The following MAF variants were observed in gnomAD, a reference collection of about 807,000 sequenced individuals.
MAF encodes transcription factor Maf.
In MAF, 10 loss-of-function variants were observed where a neutral mutation model predicts 22.0. The observed-to-expected ratio is 0.45, with a 90% CI of 0.28 to 0.77. The LOEUF (loss-of-function observed/expected upper bound fraction) is 0.77. MAF is among the 30% of genes least tolerant of loss of function. The pLI, the probability that MAF is intolerant of heterozygous loss-of-function variation, is 0.12. For synonymous variants in MAF, 337 were observed against 255.8 expected (o/e 1.32, Z -3.03); for missense variants, 544 against 548.4 (o/e 0.99, Z 0.08).
chr16:79,219,678 T>C, the MAF span, among the ~76,000 whole-genome samples: 3 of 151,882 alleles, frequency 2.0e-5, no homozygotes, highest in South Asian at 2.1e-4. Flanking sequence ...TGTGCCACCA[T>C]TGTACGTCTC....
the MAF span, among the ~76,000 whole-genome samples, chr16:79,525,596 T>C: frequency 6.6e-6 from 1 of 152,216 alleles, no homozygotes; most frequent in Non-Finnish European, 1.5e-5. Context: ...GAAAAATTAA[T>C]CCTTTAATGT....
chr16:79,457,553 A>G, the MAF span, among the ~76,000 whole-genome samples: 1 of 152,230 alleles, frequency 6.6e-6, no homozygotes, highest in African/African-American at 2.4e-5. Context: ...TGCTGACAAT[A>G]GTGGAGCTAT....
chr16:79,514,955 G>A, the MAF span, among the ~76,000 whole-genome samples: 1 of 152,152 alleles, frequency 6.6e-6, no homozygotes, highest in East Asian at 1.9e-4. Context: ...CTGACTTGAT[G>A]TCTCCTTCAT....
the MAF span, among the ~76,000 whole-genome samples, chr16:79,367,434 G>C: frequency 6.6e-6 from 1 of 152,186 alleles, no homozygotes; most frequent in Admixed American, 6.5e-5. Flanking sequence ...AGGGCTACTT[G>C]TCTGCAGTCA....
the MAF span, among the ~76,000 whole-genome samples, chr16:79,302,642 T>C: frequency 2.0e-5 from 3 of 152,364 alleles, no homozygotes; most frequent in African/African-American, 2.4e-5. Flanking sequence ...ATGTGGCTTC[T>C]ATGTTTTCAG....
the MAF span, among the ~76,000 whole-genome samples, chr16:79,472,468 A>G: frequency 6.6e-6 from 1 of 152,214 alleles, no homozygotes; most frequent in African/African-American, 2.4e-5. Context: ...AATGCATGCC[A>G]CATCAGGGGG....
chr16:79,499,355 C>T, the MAF span, among the ~76,000 whole-genome samples: 2 of 152,132 alleles, frequency 1.3e-5, no homozygotes, highest in African/African-American at 4.8e-5. Flanking sequence ...CAGGAGTGAA[C>T]AGAGATGTAT....
At chr16:79,268,126 C>T in the MAF span, among the ~76,000 whole-genome samples, 3 of 152,106 alleles carry the variant, frequency 2.0e-5, no homozygotes, top group African/African-American at 7.2e-5. Context: ...ACATGGCCCC[C>T]AGAGTGGCCT....
chr16:79,208,929 G>A, the MAF span, among the ~76,000 whole-genome samples: 9 of 152,204 alleles, frequency 5.9e-5, no homozygotes, highest in African/African-American at 1.9e-4. Flanking sequence ...GGAAAGTAGA[G>A]TGAGTACCCA....
the MAF span, among the ~76,000 whole-genome samples, chr16:79,229,819 A>T: frequency 2.6e-5 from 4 of 152,034 alleles, no homozygotes; most frequent in African/African-American, 9.7e-5. Context: ...CCTAGTGGTG[A>T]GAGGGTCCTA....
At chr16:79,470,277 G>A in the MAF span, among the ~76,000 whole-genome samples, 39 of 152,282 alleles carry the variant, frequency 2.6e-4, no homozygotes, top group East Asian at 4.6e-3. Flanking sequence ...TGCCCTGCTC[G>A]GATCCTTGCC....
At chr16:79,564,628 C>T in the MAF span, among the ~76,000 whole-genome samples, 1 of 152,212 alleles carries the variant, frequency 6.6e-6, no homozygotes, top group African/African-American at 2.4e-5. Context: ...CACCCTGTGG[C>T]AGCCCACAGT....
chr16:79,499,113 A>G, the MAF span, among the ~76,000 whole-genome samples: 1 of 152,352 alleles, frequency 6.6e-6, no homozygotes, highest in East Asian at 1.9e-4. Flanking sequence ...CTCGAAGCCA[A>G]CTTGCAATCT....
chr16:79,491,133 T>C, the MAF span, among the ~76,000 whole-genome samples: 1 of 152,094 alleles, frequency 6.6e-6, no homozygotes, highest in African/African-American at 2.4e-5. Context: ...GATGGGGTTA[T>C]TGAGACCCAG....
At chr16:79,576,412 G>A in the MAF span, among the ~76,000 whole-genome samples, 17 of 152,236 alleles carry the variant, frequency 1.1e-4, no homozygotes, top group East Asian at 3.3e-3. Flanking sequence ...GGGTCGTCAT[G>A]CATGTTAGTA....
At chr16:79,388,460 T>G in the MAF span, among the ~76,000 whole-genome samples, 3 of 152,208 alleles carry the variant, frequency 2.0e-5, no homozygotes, top group East Asian at 5.8e-4. Flanking sequence ...ATAGGATACT[T>G]TTCTTCAATA....
chr16:79,261,717 G>C, the MAF span, among the ~76,000 whole-genome samples: 1 of 152,210 alleles, frequency 6.6e-6, no homozygotes, highest in Non-Finnish European at 1.5e-5. Flanking sequence ...CGCTTGCAGA[G>C]TGACAGGTTC....
the MAF span, among the ~76,000 whole-genome samples, chr16:79,208,502 A>C: frequency 6.6e-6 from 1 of 152,190 alleles, no homozygotes; most frequent in African/African-American, 2.4e-5. Context: ...ATTGCTTCAG[A>C]TATTTTATAA....
the MAF span, among the ~76,000 whole-genome samples, chr16:79,512,836 G>A: frequency 2.1e-3 from 317 of 152,258 alleles, 1 homozygote; most frequent in African/African-American, 7.1e-3. Flanking sequence ...GATGGGTCTC[G>A]CAGAGCCCAG....
Sources: gnomAD v4.1 joint callset for allele counts (sites outside exome capture counted in the v4.1 genomes callset) on GRCh38, gnomAD v4.1.1 for gene constraint, MANE v1.5 for transcripts, NCBI Gene and HGNC (gene_info 2026-07-23, HGNC 2026-07-21) for gene names.